The following CCDC7 variants were observed in gnomAD, a reference collection of about 807,000 sequenced individuals.
The protein encoded by CCDC7 is coiled-coil domain containing 7.
CCDC7 carries 183 observed loss-of-function variants against 196.9 expected under a neutral mutation model. The ratio of observed to expected loss-of-function variants is 0.93; its 90% CI spans 0.82 to 1.05. CCDC7 has a LOEUF of 1.05. Among genes scored for constraint, CCDC7 ranks in the 50% least tolerant of loss-of-function variants. The pLI, the probability that CCDC7 is intolerant of heterozygous loss-of-function variation, is 0.00. For missense variants in CCDC7, 1,540 were observed against 1,482.2 expected, an observed-to-expected ratio of 1.04 and a Z score of -0.64; for synonymous variants, 525 against 484.6, an observed-to-expected ratio of 1.08 and a Z score of -1.10.
At position 32,709,163 on chromosome 10, in the gene CCDC7, C is replaced by G. The variant is rs186641559; in HGVS notation, c.2459-2457C>G. 3.7e-3 allele frequency among the ~76,000 whole-genome samples: 562 copies of G among 152,058 alleles called. 4 individuals are homozygous for G. Among genetic ancestry groups the G allele is most frequent in the Non-Finnish European group, 3.3e-3 (224 of 67,992 alleles). ...GCCATAAAAAAGGATGAGTTCATGT[C>G]CTTTGTAGGGACATGGATGAAGCTG... is the stretch of plus-strand genomic sequence containing the variant. On this transcript the variant is annotated intron_variant, in intron 24 of 41. Coordinates refer to ENST00000639629, the Ensembl canonical transcript of CCDC7.
At chr10:32,656,659 A>G (rs1159674486) in intron 20 of CCDC7, among the ~76,000 whole-genome samples, 1 of 152,168 alleles carries the variant, frequency 6.6e-6, no homozygotes, top group East Asian at 1.9e-4. Flanking sequence ...TGTGGGGATT[A>G]TGGGAGCTAC....
Position 32,462,718 on chromosome 10 carries a change from T to C in CCDC7, c.477+15T>C, listed in dbSNP as rs775444357. The C allele has an allele frequency of 1.1e-5, 16 of 1,462,952 alleles. No individual in the cohort carries two copies. 90.6% of individuals were successfully genotyped at this position (1,462,952 alleles called of 1,614,324 possible). A position where few individuals can be genotyped will look rare whatever the true frequency, so the allele number is the denominator to read the frequency against. On this transcript the variant is annotated intron_variant, in intron 4 of 41. Transcript: ENST00000639629. ...CTCTTTTTAAGGTACGTTCAATATATTACAGCTTAAGCCTACTAAAACTTA... is the reference window on the plus strand; with the variant it reads ...CTCTTTTTAAGGTACGTTCAATATACTACAGCTTAAGCCTACTAAAACTTA...
chr10:32,463,549 T>C (rs2036172041), intron 5 of CCDC7, among the ~76,000 whole-genome samples: 1 of 152,218 alleles, frequency 6.6e-6, no homozygotes, highest in Non-Finnish European at 1.5e-5. Context: ...GGGCTTTTAA[T>C]TCTACTTTGG....
At chr10:32,583,245 CA>C (rs1564730943) in exon 17 of CCDC7, 1 of 1,231,132 alleles carries the variant, frequency 8.1e-7, no homozygotes, top group Non-Finnish European at 1.0e-6. Flanking sequence ...AACATTGGCT[CA>C]AAAAAACGAA....
intron 29 of CCDC7, among the ~76,000 whole-genome samples, chr10:32,797,462 A>G (rs959195308): frequency 6.6e-6 from 1 of 152,022 alleles, no homozygotes; most frequent in Non-Finnish European, 1.5e-5. Flanking sequence ...GAGCTAAGCT[A>G]CGAGGATGCA....
At chr10:32,494,610 T>C (rs2042630638) in intron 9 of CCDC7, among the ~76,000 whole-genome samples, 1 of 152,202 alleles carries the variant, frequency 6.6e-6, no homozygotes, top group African/African-American at 2.4e-5. Flanking sequence ...GTGTTCTTAT[T>C]GTTCCACTCC....
At chr10:32,641,440 G>A (rs143627619) in intron 20 of CCDC7, among the ~76,000 whole-genome samples, 8,082 of 152,070 alleles carry the variant, frequency 0.053, 719 homozygotes, top group African/African-American at 0.18. Flanking sequence ...CTAGTTGATC[G>A]AATCGGCTAC....
chr10:32,699,568 C>T (rs1418410163), intron 24 of CCDC7, among the ~76,000 whole-genome samples: 1 of 149,088 alleles, frequency 6.7e-6, no homozygotes, highest in East Asian at 1.9e-4. Flanking sequence ...GGTATATACC[C>T]AGTAATGGGA....
intron 11 of CCDC7, among the ~76,000 whole-genome samples, chr10:32,539,457 T>A (rs1035763275): frequency 1.3e-5 from 2 of 152,192 alleles, no homozygotes; most frequent in African/African-American, 2.4e-5. Flanking sequence ...TCTTATTATT[T>A]TTTTTTATAA....
At chr10:32,563,553 G>A (rs1208968335) in intron 13 of CCDC7, among the ~76,000 whole-genome samples, 4 of 152,180 alleles carry the variant, frequency 2.6e-5, no homozygotes, top group Non-Finnish European at 4.4e-5. Flanking sequence ...ATGGGGAAAG[G>A]ATTCCCTATT....
At chr10:32,446,882 TTGCCTGCC>T (rs71027088), upstream of CCDC7, among the ~76,000 whole-genome samples, 13,402 of 110,648 alleles carry the variant, frequency 0.12, 869 homozygotes, top group South Asian at 0.28. Flanking sequence ...CAAGTGAGCG[TTGCCTGCC>T]TGCCTGCCTG....
rs545045195 is a variant in CCDC7 at position 32,527,519 on chromosome 10, G to A, written c.993+9014G>A. 2.0e-4 allele frequency among the ~76,000 whole-genome samples: 31 copies of A among 152,176 alleles called. No individual in the cohort carries two copies. The South Asian group carries it at 3.3e-3, about 16-fold the overall frequency. On this transcript the variant is annotated intron_variant, in intron 11 of 41. Coordinates refer to ENST00000639629, the Ensembl canonical transcript of CCDC7. ...GCCACCACCATTTTTGTCTCAGCCCGTGCACATCATTTCTGCTTCACTCTT... is the reference window on the plus strand; with the variant it reads ...GCCACCACCATTTTTGTCTCAGCCCATGCACATCATTTCTGCTTCACTCTT...
intron 21 of CCDC7, among the ~76,000 whole-genome samples, chr10:32,678,311 G>C (rs986180986): frequency 1.1e-4 from 16 of 152,128 alleles, no homozygotes; most frequent in Non-Finnish European, 1.5e-4. Context: ...GTATTGCCCT[G>C]ATTCTTCATG....
chr10:32,619,172 A>G (rs556934686), intron 18 of CCDC7, among the ~76,000 whole-genome samples: 6 of 152,172 alleles, frequency 3.9e-5, no homozygotes, highest in Non-Finnish European at 8.8e-5. Flanking sequence ...AGTATATTTC[A>G]AAATAAAAAT....
Position 32,700,389 on chromosome 10 carries a change from G to A in CCDC7, c.2458+5397G>A, listed in dbSNP as rs964495003. Among the ~76,000 whole-genome samples the A allele has an allele frequency of 6.8e-5, 10 of 147,542 alleles. 2 individuals carry two copies. The highest frequency in any genetic ancestry group is 1.6e-4 in the African/African-American group (6 of 37,026). On this transcript the variant is annotated intron_variant, in intron 24 of 41. Transcript: ENST00000639629. ...TGGATATGTGGCATTATTTCTGAGGGCTCTATTGTGTTCCATTGGTCTATA... is the reference window on the plus strand; with the variant it reads ...TGGATATGTGGCATTATTTCTGAGGACTCTATTGTGTTCCATTGGTCTATA...
At chr10:32,729,579 C>G (rs1402814621) in intron 28 of CCDC7, 122 bp downstream of exon 29, 2 of 450,604 alleles carry the variant, frequency 4.4e-6, no homozygotes, top group Admixed American at 8.2e-5. Flanking sequence ...ATCACACTAC[C>G]AGATCTTTAT....
chr10:32,732,183 T>A (rs942339764), intron 28 of CCDC7, among the ~76,000 whole-genome samples: 1 of 152,138 alleles, frequency 6.6e-6, no homozygotes, highest in African/African-American at 2.4e-5. Context: ...ACTGAGAAAA[T>A]GGATGAAATA....
At chr10:32,529,196 T>TA in intron 11 of CCDC7, among the ~76,000 whole-genome samples, 1 of 152,202 alleles carries the variant, frequency 6.6e-6, no homozygotes, top group African/African-American at 2.4e-5. Flanking sequence ...CTAATTTTTG[T>TA]ATTTTTAGTA....
intron 29 of CCDC7, among the ~76,000 whole-genome samples, chr10:32,781,790 A>G (rs991006743): frequency 6.6e-6 from 1 of 152,232 alleles, no homozygotes; most frequent in East Asian, 1.9e-4. Context: ...AATAGTATTC[A>G]AAATCTATCT....
Sources: allele counts gnomAD v4.1 joint callset (sites outside exome capture counted in the v4.1 genomes callset), GRCh38; gene constraint gnomAD v4.1.1; transcripts MANE v1.5; gene names NCBI Gene and HGNC (gene_info 2026-07-23, HGNC 2026-07-21).